DENND5B: variants seen among roughly 807,000 people sequenced by gnomAD.
DENND5B encodes DENN domain containing 5B.
DENND5B carries 34 observed loss-of-function variants against 140.6 expected under a neutral mutation model. That is an observed-to-expected ratio of 0.24 (90% confidence interval 0.18 to 0.32). The LOEUF (loss-of-function observed/expected upper bound fraction) is 0.32, where lower values mean the gene tolerates loss of function less well. DENND5B is among the 10% of genes least tolerant of loss of function. The probability of loss-of-function intolerance (pLI) is 1.00; values close to 1 mark genes in which losing one functional copy is unlikely to be tolerated. For missense variants in DENND5B, 1,142 were observed against 1,560.2 expected (o/e 0.73, Z 4.52); for synonymous variants, 551 against 562.1 (o/e 0.98, Z 0.28).
intron 1 of DENND5B, among the ~76,000 whole-genome samples, chr12:31,561,821 C>A (rs1949484904): frequency 6.6e-6 from 1 of 152,132 alleles, no homozygotes; most frequent in Non-Finnish European, 1.5e-5. Context: ...AAATATCAAA[C>A]ACATGAGCAT....
At chr12:31,401,164 C>T (rs981459656) in intron 15 of DENND5B, among the ~76,000 whole-genome samples, 3 of 152,094 alleles carry the variant, frequency 2.0e-5, no homozygotes, top group African/African-American at 7.2e-5. Context: ...TCTTAAAGCA[C>T]TTTATTCTTT....
chr12:31,482,644 T>C (rs1341611649), intron 2 of DENND5B, among the ~76,000 whole-genome samples: 2 of 151,972 alleles, frequency 1.3e-5, no homozygotes, highest in African/African-American at 2.4e-5. Flanking sequence ...AGTGGTACAA[T>C]CACAGTTTAC....
intron 1 of DENND5B, among the ~76,000 whole-genome samples, chr12:31,507,032 A>G (rs1490300936): frequency 6.6e-6 from 1 of 152,208 alleles, no homozygotes; most frequent in Non-Finnish European, 1.5e-5. Flanking sequence ...TCCCAACCAC[A>G]TAGTTGGTCC....
At chr12:31,524,719 GA>G (rs5797415) in intron 1 of DENND5B, among the ~76,000 whole-genome samples, 10 of 150,994 alleles carry the variant, frequency 6.6e-5, no homozygotes, top group African/African-American at 2.4e-4. Context: ...CAAAGAAAAA[GA>G]AAAAAAAAGA....
chr12:31,536,891 T>C (rs1592001893), intron 1 of DENND5B, among the ~76,000 whole-genome samples: 2 of 152,226 alleles, frequency 1.3e-5, no homozygotes, highest in East Asian at 3.9e-4. Context: ...AGATTTTCAG[T>C]GGAATCCTTA....
rs531677840 is a variant in DENND5B, at chr12:31,383,119, T to C, written c.*4484A>G. On this transcript the variant is annotated 3_prime_UTR_variant, in exon 21 of 21. Transcript: ENST00000389082. ...GAAATATAAATAGCTAAAGTTCAGA[T>C]TGTCTTTTCAACATAGTGAAAAGGA... The C allele has an allele frequency of 2.6e-5, 4 of 152,288 alleles. No individual in the cohort carries two copies. Among genetic ancestry groups the C allele is most frequent in the Non-Finnish European group, 4.4e-5 (3 of 68,004 alleles). 9.4% of individuals were successfully genotyped at this position (152,288 alleles called of 1,614,324 possible). A position where few individuals can be genotyped will look rare whatever the true frequency, so the allele number is the denominator to read the frequency against.
intron 19 of DENND5B, among the ~76,000 whole-genome samples, chr12:31,391,391 C>A (rs961397824): frequency 2.6e-5 from 4 of 152,220 alleles, no homozygotes; most frequent in Admixed American, 6.5e-5. Context: ...CCACTCCCCA[C>A]TTTATTTCCT....
intron 2 of DENND5B, among the ~76,000 whole-genome samples, chr12:31,492,263 T>C (rs1428749622): frequency 6.6e-6 from 1 of 152,222 alleles, no homozygotes; most frequent in Non-Finnish European, 1.5e-5. Context: ...TCAAGGAAGC[T>C]GATAATTACT....
At chr12:31,401,087 C>T (rs1941772550) in intron 15 of DENND5B, among the ~76,000 whole-genome samples, 1 of 152,174 alleles carries the variant, frequency 6.6e-6, no homozygotes, top group Non-Finnish European at 1.5e-5. Flanking sequence ...AGGTGATCCG[C>T]CTGCCTCGGC....
At chr12:31,476,185 GT>G in intron 3 of DENND5B, among the ~76,000 whole-genome samples, 1 of 148,812 alleles carries the variant, frequency 6.7e-6, no homozygotes, top group African/African-American at 2.5e-5. Context: ...AGCTTTTGGA[GT>G]TTTTTTTTGC....
intron 1 of DENND5B, among the ~76,000 whole-genome samples, chr12:31,550,111 T>C (rs149682929): frequency 0.02 from 3,089 of 151,876 alleles, 57 homozygotes; most frequent in South Asian, 0.052. Context: ...ATGTGCACAA[T>C]GTGCAAGTTT....
chr12:31,407,884 A>C (rs1942221282), intron 14 of DENND5B, among the ~76,000 whole-genome samples: 1 of 152,234 alleles, frequency 6.6e-6, no homozygotes, highest in African/African-American at 2.4e-5. Flanking sequence ...ACTTGCAGCT[A>C]AATGCAATTC....
chr12:31,558,094 A>C (rs1214179208), intron 1 of DENND5B, among the ~76,000 whole-genome samples: 1 of 152,170 alleles, frequency 6.6e-6, no homozygotes, highest in Non-Finnish European at 1.5e-5. Flanking sequence ...AATCGCATAG[A>C]CTAGTCTTAG....
At chr12:31,526,275 T>TAA in intron 1 of DENND5B, among the ~76,000 whole-genome samples, 1 of 152,304 alleles carries the variant, frequency 6.6e-6, no homozygotes, top group Non-Finnish European at 1.5e-5. Flanking sequence ...TATTTACATT[T>TAA]ACCCATTAAA....
intron 1 of DENND5B, among the ~76,000 whole-genome samples, chr12:31,517,209 T>A (rs1272867847): frequency 1.3e-5 from 2 of 152,266 alleles, no homozygotes; most frequent in Non-Finnish European, 2.9e-5. Context: ...GACTGTTTCC[T>A]ACATGTATAA....
intron 4 of DENND5B, among the ~76,000 whole-genome samples, chr12:31,454,812 C>CTTTTTTTTTTT (rs201720111): frequency 3.2e-5 from 3 of 93,886 alleles, no homozygotes; most frequent in Non-Finnish European, 5.8e-5. Flanking sequence ...GATTCAGTAT[C>CTTTTTTTTTTT]TTTTTTTTTT....
chr12:31,396,133 G>A (rs1264197238), intron 17 of DENND5B, among the ~76,000 whole-genome samples: 10 of 142,424 alleles, frequency 7.0e-5, no homozygotes, highest in African/African-American at 2.6e-4. Context: ...GCAGTGGCAC[G>A]ATATTGGCTT....
At chr12:31,474,742 A>C (rs1368671519) in intron 3 of DENND5B, among the ~76,000 whole-genome samples, 2 of 152,236 alleles carry the variant, frequency 1.3e-5, no homozygotes, top group Non-Finnish European at 2.9e-5. Flanking sequence ...AGTTAAGAAG[A>C]GTAAAGGAGG....
At chr12:31,399,048 G>C (rs942801906) in intron 16 of DENND5B, among the ~76,000 whole-genome samples, 1 of 149,502 alleles carries the variant, frequency 6.7e-6, no homozygotes, top group Admixed American at 6.7e-5. Context: ...CTTGAACCTG[G>C]GAGGCAGAGG....
Sources: gnomAD v4.1 joint callset for allele counts (sites outside exome capture counted in the v4.1 genomes callset) on GRCh38, gnomAD v4.1.1 for gene constraint, MANE v1.5 for transcripts, NCBI Gene and HGNC (gene_info 2026-07-23, HGNC 2026-07-21) for gene names.